The following ADD3 variants were observed in gnomAD, a reference collection of about 807,000 sequenced individuals.
The protein encoded by ADD3 is gamma-adducin.
In ADD3, 25 loss-of-function variants were observed where a neutral mutation model predicts 80.2. The observed-to-expected ratio is 0.31, with a 90% CI of 0.23 to 0.44. The LOEUF (loss-of-function observed/expected upper bound fraction) is 0.44. ADD3 is among the 20% of genes least tolerant of loss of function. The pLI, the probability that ADD3 is intolerant of heterozygous loss-of-function variation, is 1.00. For missense variants in ADD3, 829 were observed against 847.5 expected, an observed-to-expected ratio of 0.98 and a Z score of 0.27; for synonymous variants, 284 against 289.6, an observed-to-expected ratio of 0.98 and a Z score of 0.20.
intron 1 of ADD3, among the ~76,000 whole-genome samples, chr10:110,030,752 T>A (rs913559552): frequency 4.0e-5 from 6 of 151,752 alleles, no homozygotes; most frequent in African/African-American, 1.4e-4. Flanking sequence ...GAACATAAAA[T>A]AACTTTTTTT....
At chr10:110,004,605 G>T (rs1042075055), upstream of ADD3, among the ~76,000 whole-genome samples, 1 of 151,728 alleles carries the variant, frequency 6.6e-6, no homozygotes, top group African/African-American at 2.4e-5. Context: ...CACCATGACC[G>T]GCCAGACCCT....
chr10:110,065,601 T>C (rs1843849541), intron 1 of ADD3, among the ~76,000 whole-genome samples: 1 of 139,038 alleles, frequency 7.2e-6, no homozygotes, highest in Non-Finnish European at 1.5e-5. Flanking sequence ...GTACAGTGGC[T>C]CGATCTTGGC....
intron 1 of ADD3, among the ~76,000 whole-genome samples, chr10:110,024,347 C>G (rs148326604): frequency 7.6e-4 from 116 of 152,218 alleles, no homozygotes; most frequent in African/African-American, 2.7e-3. Flanking sequence ...AGCGTAAGCA[C>G]CTATAATAAA....
upstream of ADD3, among the ~76,000 whole-genome samples, chr10:110,004,173 A>C (rs979598724): frequency 6.6e-6 from 1 of 151,948 alleles, no homozygotes; most frequent in Non-Finnish European, 1.5e-5. Flanking sequence ...AAGCAAGGAA[A>C]ACAAAAACAG....
At chr10:110,087,029 T>A (rs1319956345) in intron 1 of ADD3, among the ~76,000 whole-genome samples, 4 of 152,106 alleles carry the variant, frequency 2.6e-5, no homozygotes, top group Non-Finnish European at 4.4e-5. Flanking sequence ...GGCTTTTATT[T>A]TTTTTTTATT....
Position 110,118,754 on chromosome 10 carries a change from C to G in ADD3, c.717+18C>G. ...CAGCAGCTGTAAGTCAATGAAAGTC[C>G]AAAACTGACAGGACGCTGGAAGATG... On this transcript the variant is annotated intron_variant, in intron 6 of 14. Transcript: ENST00000356080. The G allele has an allele frequency of 6.2e-7, 1 of 1,608,484 alleles. No individual in the cohort carries two copies. The highest frequency in any genetic ancestry group is 8.5e-7 in the Non-Finnish European group (1 of 1,175,706).
chr10:110,124,568 A>G (rs761703254), intron 10 of ADD3, among the ~76,000 whole-genome samples: 3 of 152,172 alleles, frequency 2.0e-5, no homozygotes, highest in Non-Finnish European at 4.4e-5. Context: ...GCATGAAGAC[A>G]GTCTGACTCT....
Position 110,122,164 on chromosome 10 carries a change from C to T in ADD3, c.1015C>T (p.Gln339Ter). The change falls in exon 9 of 15, where the codon CAG becomes TAG. Residue 339 changes from glutamine to a stop codon, truncating the protein, a stop_gained. Coordinates refer to ENST00000356080, the MANE Select transcript of ADD3 (RefSeq NM_016824.5). LOFTEE classifies it high-confidence loss of function. ...GVDNLHVLDF[Q>*]KYKAFTYTVA... is the part of the protein sequence containing the mutation. ...AGACAATCTCCATGTACTGGACTTT[C>T]AGAAGTATAAAGCTTTCACTTACAC... The T allele has an allele frequency of 6.2e-7, 1 of 1,614,026 alleles. No individual in the cohort carries two copies. Among genetic ancestry groups the T allele is most frequent in the Non-Finnish European group, 8.5e-7 (1 of 1,179,932 alleles).
intron 1 of ADD3, among the ~76,000 whole-genome samples, chr10:110,080,683 C>T (rs889422078): frequency 1.3e-5 from 2 of 152,040 alleles, no homozygotes; most frequent in Non-Finnish European, 2.9e-5. Flanking sequence ...TCAGTGAGTC[C>T]GACCATTCAG....
At chr10:110,100,435 T>C (rs1474323916) in intron 1 of ADD3, among the ~76,000 whole-genome samples, 190 bp from the exon 2 acceptor site, 1 of 152,020 alleles carries the variant, frequency 6.6e-6, no homozygotes, top group African/African-American at 2.4e-5. Flanking sequence ...AAATATCAAT[T>C]ACAAATCGAG....
Position 110,008,914 on chromosome 10 carries a change from G to A in ADD3, c.-30+615G>A, listed in dbSNP as rs139984728. 4.7e-3 allele frequency among the ~76,000 whole-genome samples: 713 copies of A among 152,260 alleles called. 4 individuals are homozygous for A. Among genetic ancestry groups the A allele is most frequent in the African/African-American group, 0.016 (675 of 41,548 alleles). On this transcript the variant is annotated intron_variant, in intron 1 of 14. Transcript: ENST00000356080. The stretch of plus-strand genomic sequence containing the variant: ...ACATGTTAGGTTGAGCTTCCTGCTA[G>A]GGGTGACAAGCGAAGTTGGCAGCAG...
At chr10:110,093,390 GTTTGT>G (rs1847789723) in intron 1 of ADD3, among the ~76,000 whole-genome samples, 1 of 151,994 alleles carries the variant, frequency 6.6e-6, no homozygotes, top group African/African-American at 2.4e-5. Flanking sequence ...TTTTTCTGAG[GTTTGT>G]TTTGTTTCAT....
chr10:110,080,553 A>C (rs1845950505), intron 1 of ADD3, among the ~76,000 whole-genome samples: 1 of 152,248 alleles, frequency 6.6e-6, no homozygotes, highest in South Asian at 2.1e-4. Context: ...CTCAAAAGTC[A>C]ATTTCAAAAG....
intron 1 of ADD3, among the ~76,000 whole-genome samples, chr10:110,014,405 G>A (rs1163513428): frequency 6.6e-6 from 1 of 152,224 alleles, no homozygotes; most frequent in Admixed American, 6.5e-5. Flanking sequence ...TGCACAAATG[G>A]GAGGTAGAAA....
At chr10:110,056,582 A>AT (rs1858224323) in intron 1 of ADD3, among the ~76,000 whole-genome samples, 1 of 152,160 alleles carries the variant, frequency 6.6e-6, no homozygotes, top group South Asian at 2.1e-4. Context: ...AATAAATGGA[A>AT]TTTTTTACAA....
intron 1 of ADD3, among the ~76,000 whole-genome samples, chr10:110,064,008 C>G (rs1324701826): frequency 2.6e-5 from 4 of 151,810 alleles, no homozygotes; most frequent in Non-Finnish European, 4.4e-5. Context: ...AATATCTACT[C>G]TTTTGTCTCC....
At chr10:110,081,478 T>C (rs1383174998) in intron 1 of ADD3, among the ~76,000 whole-genome samples, 2 of 152,128 alleles carry the variant, frequency 1.3e-5, no homozygotes, top group Non-Finnish European at 2.9e-5. Flanking sequence ...TCTGTGAAAA[T>C]AGATGAAAAG....
intron 1 of ADD3, among the ~76,000 whole-genome samples, chr10:110,013,710 G>A (rs1852597239): frequency 6.6e-6 from 1 of 152,080 alleles, no homozygotes; most frequent in Non-Finnish European, 1.5e-5. Flanking sequence ...ATTTATTCTT[G>A]TGATTTCTTA....
At chr10:110,123,427 G>A (rs60628834) in intron 9 of ADD3, among the ~76,000 whole-genome samples, 11,626 of 151,972 alleles carry the variant, frequency 0.077, 824 homozygotes, top group African/African-American at 0.18. Flanking sequence ...ATGCCATCTC[G>A]TGCTTTAATT....
Sources: allele counts gnomAD v4.1 joint callset (sites outside exome capture counted in the v4.1 genomes callset), GRCh38; gene constraint gnomAD v4.1.1; transcripts MANE v1.5; gene names NCBI Gene and HGNC (gene_info 2026-07-23, HGNC 2026-07-21).